Variants in KSR2 observed in about 807,000 individuals in gnomAD.
KSR2 encodes kinase suppressor of ras 2.
In KSR2, 25 loss-of-function variants were observed where a neutral mutation model predicts 107.8. That is an observed-to-expected ratio of 0.23 (90% CI 0.17 to 0.32). KSR2 has a LOEUF of 0.32. Among genes scored for constraint, KSR2 ranks in the 10% least tolerant of loss-of-function variants. KSR2 has a pLI of 1.00. For missense variants in KSR2, 887 were observed against 1,268.9 expected, an observed-to-expected ratio of 0.70 and a Z score of 4.57; for synonymous variants, 480 against 507.0, an observed-to-expected ratio of 0.95 and a Z score of 0.71.
chr12:117,517,712 T>C, intron 14 of KSR2: 1 of 404,842 alleles, frequency 2.5e-6, no homozygotes, highest in Non-Finnish European at 4.8e-6. Flanking sequence ...AAAAACCTTT[T>C]CAGCTGTGCT....
chr12:117,595,133 A>T (rs536066464), intron 5 of KSR2, among the ~76,000 whole-genome samples: 167 of 152,308 alleles, frequency 1.1e-3, no homozygotes, highest in Non-Finnish European at 2.0e-3. Flanking sequence ...GGACACACGC[A>T]CAAGCTCAGA....
chr12:117,661,759 G>T (rs951059678), intron 5 of KSR2, among the ~76,000 whole-genome samples: 1 of 152,158 alleles, frequency 6.6e-6, no homozygotes, highest in Non-Finnish European at 1.5e-5. Context: ...TGCTGCTGGT[G>T]ATGGTGGTCT....
At chr12:117,766,117 C>T (rs1889216520) in intron 3 of KSR2, among the ~76,000 whole-genome samples, 1 of 152,186 alleles carries the variant, frequency 6.6e-6, no homozygotes, top group Non-Finnish European at 1.5e-5. Context: ...CATAGCAGCA[C>T]TATTCACAAT....
chr12:117,924,761 T>A, intron 1 of KSR2, among the ~76,000 whole-genome samples: 1 of 152,040 alleles, frequency 6.6e-6, no homozygotes, highest in East Asian at 1.9e-4. Flanking sequence ...AAGAGACATA[T>A]GAACCAAATG....
intron 3 of KSR2, among the ~76,000 whole-genome samples, chr12:117,765,007 A>G (rs1295037090): frequency 6.6e-6 from 1 of 152,246 alleles, no homozygotes; most frequent in Non-Finnish European, 1.5e-5. Flanking sequence ...CTGTGGTAAT[A>G]CATCAATATC....
At chr12:117,872,394 A>G (rs1409767643) in intron 1 of KSR2, among the ~76,000 whole-genome samples, 1 of 151,998 alleles carries the variant, frequency 6.6e-6, no homozygotes, top group Non-Finnish European at 1.5e-5. Flanking sequence ...CAAGACCCCC[A>G]TCTCCACCAA....
intron 3 of KSR2, among the ~76,000 whole-genome samples, chr12:117,808,008 A>C (rs892987215): frequency 6.6e-6 from 1 of 152,170 alleles, no homozygotes; most frequent in Non-Finnish European, 1.5e-5. Context: ...ACAGCTCCCA[A>C]ATAATTATGT....
At position 117,832,154 on chromosome 12, in the gene KSR2, G is replaced by A. The variant is rs149276598; in HGVS notation, c.472+23274C>T. Among the ~76,000 whole-genome samples, 126 of 152,264 alleles carry A rather than the reference G, an allele frequency of 8.3e-4. No homozygotes were observed. The East Asian group carries it at 0.017, about 20-fold the overall frequency. On this transcript the variant is annotated intron_variant, in intron 3 of 19. Transcript: ENST00000339824. ...ACAAAAATTAGCTGGGTGTGGTGAC[G>A]TGCACTGTAATCCTAGCTACTGGGG...
intron 7 of KSR2, among the ~76,000 whole-genome samples, chr12:117,558,856 G>A (rs1045818005): frequency 2.0e-5 from 3 of 151,912 alleles, no homozygotes; most frequent in Admixed American, 6.6e-5. Flanking sequence ...ACAGATGGAT[G>A]GATGGGTGGA....
intron 14 of KSR2, among the ~76,000 whole-genome samples, chr12:117,504,876 C>T (rs567074978): frequency 6.6e-6 from 1 of 152,070 alleles, no homozygotes; most frequent in Non-Finnish European, 1.5e-5. Flanking sequence ...GTATGTTGTA[C>T]CCAATATGTA....
At chr12:117,917,250 T>C (rs1895205223) in intron 1 of KSR2, among the ~76,000 whole-genome samples, 1 of 152,214 alleles carries the variant, frequency 6.6e-6, no homozygotes. Context: ...TATCTTAAAG[T>C]CTATTCCAGG....
chr12:117,911,022 G>T (rs867286016), intron 1 of KSR2, among the ~76,000 whole-genome samples: 2 of 152,100 alleles, frequency 1.3e-5, no homozygotes, highest in Admixed American at 6.6e-5. Flanking sequence ...CCACACATAA[G>T]TCATGCCTGA....
At position 117,706,039 on chromosome 12, in the gene KSR2, C is replaced by CTTTT. The variant is rs35761064; in HGVS notation, c.987-38385_987-38382dup. Among the ~76,000 whole-genome samples the CTTTT allele has an allele frequency of 1.7e-4, 20 of 114,688 alleles. 1 individual carries two copies. Among genetic ancestry groups the CTTTT allele is most frequent in the African/African-American group, 2.7e-4 (8 of 30,178 alleles). The allele number at this position is 114,688 out of a possible 152,430, so 75.2% of individuals were successfully genotyped here. ...AGTGGTTGGCTGAGTGTTGTTGGGT[C>CTTTT]TTTTTTTTTTTTTTTTTTTTTTGAG... On this transcript the variant is annotated intron_variant, in intron 4 of 19. Transcript: ENST00000339824.
Position 117,877,253 on chromosome 12 carries a change from C to T in KSR2, c.181-16822G>A, listed in dbSNP as rs1302862492. On this transcript the variant is annotated intron_variant, in intron 1 of 19. Coordinates refer to ENST00000339824, the MANE Select transcript of KSR2 (RefSeq NM_173598.6). ...TTGGGAGATTGAGGCAGGAGAATCG[C>T]TTGAGCTCGGGAAGTGGAGGTTGCA... Among the ~76,000 whole-genome samples the T allele has an allele frequency of 3.9e-5, 6 of 152,156 alleles. No individual in the cohort carries two copies. In the East Asian group the frequency reaches 1.2e-3, roughly 29 times the overall value.
At chr12:117,789,926 G>C (rs1890199099) in intron 3 of KSR2, among the ~76,000 whole-genome samples, 1 of 152,198 alleles carries the variant, frequency 6.6e-6, no homozygotes, top group Non-Finnish European at 1.5e-5. Flanking sequence ...TTGCTGGTCA[G>C]AAGGGTTTCT....
At chr12:117,898,670 T>C (rs1223934146) in intron 1 of KSR2, among the ~76,000 whole-genome samples, 1 of 152,124 alleles carries the variant, frequency 6.6e-6, no homozygotes, top group Non-Finnish European at 1.5e-5. Context: ...TATACACTTA[T>C]GGGGTACAGT....
intron 19 of KSR2, among the ~76,000 whole-genome samples, chr12:117,469,453 C>T (rs1410932907): frequency 6.6e-6 from 1 of 152,092 alleles, no homozygotes; most frequent in Non-Finnish European, 1.5e-5. Flanking sequence ...AGCTGCAGGA[C>T]CCAAGACCCA....
At chr12:117,664,268 C>A (rs1391520286) in intron 5 of KSR2, among the ~76,000 whole-genome samples, 1 of 152,192 alleles carries the variant, frequency 6.6e-6, no homozygotes, top group Non-Finnish European at 1.5e-5. Flanking sequence ...CTTGGCCACA[C>A]TACAGCCAGA....
At chr12:117,728,345 C>A (rs948306497) in intron 4 of KSR2, among the ~76,000 whole-genome samples, 1 of 152,228 alleles carries the variant, frequency 6.6e-6, no homozygotes, top group African/African-American at 2.4e-5. Context: ...GACCAACACA[C>A]TGACAACTTC....
Sources: gnomAD v4.1 joint callset for allele counts (sites outside exome capture counted in the v4.1 genomes callset) on GRCh38, gnomAD v4.1.1 for gene constraint, MANE v1.5 for transcripts, NCBI Gene and HGNC (gene_info 2026-07-23, HGNC 2026-07-21) for gene names.